The following PIWIL3 variants were observed in gnomAD, a reference collection of about 807,000 sequenced individuals.
PIWIL3 encodes piwi like RNA-mediated gene silencing 3.
In PIWIL3, 101 loss-of-function variants were observed where a neutral mutation model predicts 109.7. That is an observed-to-expected ratio of 0.92 (90% CI 0.78 to 1.09). The LOEUF is 1.09. PIWIL3 is among the 50% of genes least tolerant of loss of function. PIWIL3 has a pLI of 0.00. For synonymous variants in PIWIL3, 373 were observed against 376.4 expected (o/e 0.99, Z 0.10); for missense variants, 1,031 against 1,072.6 (o/e 0.96, Z 0.54).
chr22:24,753,977 TAA>T (rs750881001), intron 8 of PIWIL3, 35 bp downstream of exon 8: 2 of 1,531,052 alleles, frequency 1.3e-6, no homozygotes, highest in Non-Finnish European at 1.8e-6. Context: ...AAGGGGGAGT[TAA>T]AGTGATTGGA....
At position 24,725,409 on chromosome 22, in the gene PIWIL3, T is replaced by C. The variant is rs181862809; in HGVS notation, c.2080+36A>G. 314 of 1,607,264 alleles carry C rather than the reference T, an allele frequency of 2.0e-4. No homozygotes were observed. In the East Asian group the frequency reaches 5.9e-3, roughly 30 times the overall value. Reference sequence around the variant, plus strand: ...GTCCATTGGTGGAGAACTACTTGTATAGTGTCGGGTTCCCCGACCGCTACA... The same window carrying C: ...GTCCATTGGTGGAGAACTACTTGTACAGTGTCGGGTTCCCCGACCGCTACA... On this transcript the variant is annotated intron_variant, in intron 17 of 20. Transcript: ENST00000616349.
intron 1 of PIWIL3, among the ~76,000 whole-genome samples, chr22:24,766,834 A>C (rs149257136): frequency 6.6e-6 from 1 of 151,816 alleles, no homozygotes; most frequent in Non-Finnish European, 1.5e-5. Context: ...TTCCAGACTC[A>C]GTTGTGCACT....
intron 14 of PIWIL3, among the ~76,000 whole-genome samples, chr22:24,731,805 C>A (rs1484173515): frequency 6.6e-6 from 1 of 152,090 alleles, no homozygotes; most frequent in Non-Finnish European, 1.5e-5. Context: ...TAACTCGTTA[C>A]AGAAATAAAA....
At chr22:24,730,539 A>G (rs1923290866) in intron 14 of PIWIL3, among the ~76,000 whole-genome samples, 1 of 152,144 alleles carries the variant, frequency 6.6e-6, no homozygotes, top group South Asian at 2.1e-4. Flanking sequence ...AATCATATGC[A>G]TATGGTGAAG....
At chr22:24,749,054 C>T (rs754294179) in intron 11 of PIWIL3, 33 bp from the exon 12 acceptor site, 3 of 1,522,118 alleles carry the variant, frequency 2.0e-6, no homozygotes, top group Non-Finnish European at 2.7e-6. Flanking sequence ...CATGATCAAA[C>T]CAAATAAGTA....
At chr22:24,753,980 A>G (rs1924860000) in intron 8 of PIWIL3, 34 bp downstream of exon 8, 1 of 1,535,928 alleles carries the variant, frequency 6.5e-7, no homozygotes, top group Non-Finnish European at 9.0e-7. Context: ...GGGGAGTTAA[A>G]GTGATTGGAT....
intron 1 of PIWIL3, among the ~76,000 whole-genome samples, chr22:24,765,770 A>G (rs373765433): frequency 1.4e-4 from 21 of 147,286 alleles, no homozygotes; most frequent in African/African-American, 5.2e-4. Flanking sequence ...TTAGAGGAAA[A>G]TGAGTATTTG....
At position 24,755,971 on chromosome 22, in the gene PIWIL3, C is replaced by T. The variant is rs139117899; in HGVS notation, c.571-66G>A. On this transcript the variant is annotated intron_variant, in intron 5 of 20. Transcript: ENST00000616349. ...TTCCAAAAAACTAAACTTCATTGCA[C>T]GGCAAATCACCATGTCACCTGGCTA... 318 of 1,534,056 alleles carry T rather than the reference C, an allele frequency of 2.1e-4. 1 individual carries two copies. In the African/African-American group the frequency reaches 3.3e-3, roughly 16 times the overall value.
intron 14 of PIWIL3, among the ~76,000 whole-genome samples, chr22:24,729,288 T>G (rs1040803711): frequency 9.2e-5 from 14 of 152,214 alleles, no homozygotes; most frequent in African/African-American, 2.9e-4. Context: ...ACCTTACTCT[T>G]GGTGTCCACA....
intron 1 of PIWIL3, among the ~76,000 whole-genome samples, chr22:24,764,625 C>CGTGTGTGT (rs140531011): frequency 0.086 from 11,582 of 134,530 alleles, 656 homozygotes; most frequent in Admixed American, 0.14. Flanking sequence ...TTGACCTTGC[C>CGTGTGTGT]GTGTGTGTGT....
Position 24,754,849 on chromosome 22 carries a change from C to T in PIWIL3, c.708G>A (p.Leu236=), listed in dbSNP as rs760804825. 14 of 1,612,420 alleles carry T rather than the reference C, an allele frequency of 8.7e-6. No homozygotes were observed. Among genetic ancestry groups the T allele is most frequent in the Non-Finnish European group, 1.2e-5 (14 of 1,178,674 alleles). Reference sequence around the variant, plus strand: ...AGTTGCGACCAACTTGTTCAAAATCCAGCAGCTTGAAAGTTCTGGAAATGG... The same window carrying T: ...AGTTGCGACCAACTTGTTCAAAATCTAGCAGCTTGAAAGTTCTGGAAATGG... ...NILFRRTFKL[L]DFEQVGRNYY... Residue 236 remains leucine, a synonymous_variant, in exon 7 of 21, where the codon CTG becomes CTA. Transcript: ENST00000616349.
rs759856208 is a variant in PIWIL3 at position 24,759,997 on chromosome 22, T to A, written c.103-8A>T. 6.2e-7 allele frequency: 1 copy of A among 1,613,576 alleles called. No homozygotes were observed. The highest frequency in any genetic ancestry group is 1.3e-5 in the African/African-American group (1 of 74,872). On this transcript the variant is annotated splice_region_variant and splice_polypyrimidine_tract_variant and intron_variant, in intron 2 of 20. Coordinates refer to ENST00000616349, the MANE Select transcript of PIWIL3 (RefSeq NM_001255975.1). ...CTGAGGGGGCTCCTGGGTCTGCATGTTTTTGGAAATAGAAATAATGAGCAG... is the reference window on the plus strand; with the variant it reads ...CTGAGGGGGCTCCTGGGTCTGCATGATTTTGGAAATAGAAATAATGAGCAG...
At chr22:24,725,133 A>G in intron 17 of PIWIL3, 96 bp from the exon 18 acceptor site, 1 of 1,432,294 alleles carries the variant, frequency 7.0e-7, no homozygotes, top group Admixed American at 1.9e-5. Context: ...TCAACACTGC[A>G]GCTTTCAGGG....
intron 1 of PIWIL3, among the ~76,000 whole-genome samples, chr22:24,766,969 A>G (rs946819921): frequency 6.6e-6 from 1 of 151,672 alleles, no homozygotes; most frequent in Non-Finnish European, 1.5e-5. Flanking sequence ...CTCTAAAAAA[A>G]AAAAAAATTA....
chr22:24,726,093 G>A (rs1031861974), intron 16 of PIWIL3, among the ~76,000 whole-genome samples: 7 of 152,116 alleles, frequency 4.6e-5, no homozygotes, highest in South Asian at 2.1e-4. Flanking sequence ...ATGACCAGGC[G>A]TCTCGGCTCC....
chr22:24,760,038 A>G, intron 2 of PIWIL3, 49 bp from the exon 3 acceptor site: 1 of 1,606,518 alleles, frequency 6.2e-7, no homozygotes. Flanking sequence ...TACTGTGTTC[A>G]TTCTCCCTCC....
At chr22:24,765,931 G>A (rs1194950873) in intron 1 of PIWIL3, among the ~76,000 whole-genome samples, 1 of 151,750 alleles carries the variant, frequency 6.6e-6, no homozygotes, top group Non-Finnish European at 1.5e-5. Context: ...TTAGTTTAGT[G>A]TGTGTGCAGA....
chr22:24,752,146 G>A (rs1252187398), intron 8 of PIWIL3, among the ~76,000 whole-genome samples: 1 of 151,674 alleles, frequency 6.6e-6, no homozygotes, highest in African/African-American at 2.4e-5. Flanking sequence ...AATTTAGGTG[G>A]TTAGTAAGGG....
In PIWIL3 at chr22:24,748,897, ACTGT is replaced by A. The variant is rs746212688; in HGVS notation, c.1449+6_1449+9del. On this transcript the variant is annotated splice_donor_region_variant and intron_variant, in intron 12 of 20. Coordinates refer to ENST00000616349, the MANE Select transcript of PIWIL3 (RefSeq NM_001255975.1). ...CCCACCATGACATGATGATTTTGAA[ACTGT>A]CTTACCATTCTTCTGCCTTGCACGA... is the stretch of plus-strand genomic sequence containing the variant. The A allele has an allele frequency of 3.0e-5, 48 of 1,590,430 alleles. 1 individual carries two copies. Among genetic ancestry groups the A allele is most frequent in the South Asian group, 1.6e-4 (14 of 88,366 alleles).
Sources: gnomAD v4.1 joint callset for allele counts (sites outside exome capture counted in the v4.1 genomes callset) on GRCh38, gnomAD v4.1.1 for gene constraint, MANE v1.5 for transcripts, NCBI Gene and HGNC (gene_info 2026-07-23, HGNC 2026-07-21) for gene names.